PLA1A: variants seen among roughly 807,000 people sequenced by gnomAD.
PLA1A encodes the protein phospholipase A1 member A.
In PLA1A, 47 loss-of-function variants were observed where a neutral mutation model predicts 49.4. The ratio of observed to expected loss-of-function variants is 0.95; its 90% CI spans 0.75 to 1.21. The LOEUF (loss-of-function observed/expected upper bound fraction) is 1.21. Ranked by LOEUF, PLA1A falls within the 50% of genes most tolerant of loss-of-function variation. PLA1A has a pLI of 0.00. For missense variants in PLA1A, 561 were observed against 563.9 expected, an observed-to-expected ratio of 0.99 and a Z score of 0.05; for synonymous variants, 224 against 207.9, an observed-to-expected ratio of 1.08 and a Z score of -0.67.
chr3:119,620,320 C>T (rs779204451), intron 8 of PLA1A: 8 of 325,258 alleles, frequency 2.5e-5, no homozygotes, highest in South Asian at 7.4e-5. Context: ...TAAAGTATGC[C>T]GGCTTGGATG....
chr3:119,610,186 T>C (rs115529332), intron 4 of PLA1A, among the ~76,000 whole-genome samples: 2,634 of 152,338 alleles, frequency 0.017, 74 homozygotes, highest in African/African-American at 0.058. Flanking sequence ...TAGAATTCCA[T>C]AGGGTATATG....
intron 2 of PLA1A, 96 bp from the exon 3 acceptor site, chr3:119,608,674 A>C: frequency 1.0e-6 from 1 of 958,924 alleles, no homozygotes; most frequent in Non-Finnish European, 1.6e-6. Flanking sequence ...TCTAGTTTTG[A>C]TTTCTTTTCT....
chr3:119,622,438 G>A (rs1295356630), intron 8 of PLA1A, among the ~76,000 whole-genome samples: 1 of 152,164 alleles, frequency 6.6e-6, no homozygotes, highest in Non-Finnish European at 1.5e-5. Context: ...GACAGACAGG[G>A]TGTGGTATAA....
chr3:119,628,953 A>G (rs1442977983), intron 10 of PLA1A, 88 bp downstream of exon 10: 4 of 1,028,750 alleles, frequency 3.9e-6, no homozygotes, highest in African/African-American at 1.6e-5. Flanking sequence ...TTGAGGTTCA[A>G]TCTCATCATA....
chr3:119,597,935 A>C lies in PLA1A; in HGVS notation c.22A>C (p.Ser8Arg), dbSNP rs2082563051. The change falls in exon 1 of 11, where the codon AGC (serine) becomes CGC (arginine). Residue 8 changes from serine to arginine, a missense_variant. Coordinates refer to ENST00000273371, the MANE Select transcript of PLA1A (RefSeq NM_015900.4). Reference protein sequence around the residue: MPPGPWESCFWVGGLILW... With the variant: MPPGPWERCFWVGGLILW... ...AGCGATGCCCCCAGGTCCCTGGGAGAGCTGCTTCTGGGTGGGGGGCCTCAT... is the reference window on the plus strand; with the variant it reads ...AGCGATGCCCCCAGGTCCCTGGGAGCGCTGCTTCTGGGTGGGGGGCCTCAT... 6.2e-7 allele frequency: 1 copy of C among 1,610,170 alleles called. No individual in the cohort carries two copies. The highest frequency in any genetic ancestry group is 2.2e-5 in the East Asian group (1 of 44,824).
intron 1 of PLA1A, among the ~76,000 whole-genome samples, chr3:119,606,329 C>T (rs1577138453): frequency 6.6e-6 from 1 of 152,180 alleles, no homozygotes; most frequent in Non-Finnish European, 1.5e-5. Flanking sequence ...TGTCTGTGTC[C>T]AAATTTCCTC....
rs2052500503 is a variant in PLA1A at position 119,625,208 on chromosome 3, T to G, written c.1097T>G (p.Ile366Ser). Reference sequence around the variant, plus strand: ...GAGGTTACCTTCCTTAGCAGTAACATCACCTCTTCATCTAAGATCACCATG... The same window carrying G: ...GAGGTTACCTTCCTTAGCAGTAACAGCACCTCTTCATCTAAGATCACCATG... ...NIEVTFLSSNITSSSKITIPK... is the reference protein window; with the variant it reads ...NIEVTFLSSNSTSSSKITIPK... Residue 366 changes from isoleucine to serine, a missense_variant, in exon 9 of 11, where the codon ATC becomes AGC. Ile to Ser is a moderately radical substitution (Grantham distance 142). Transcript: ENST00000273371. The G allele has an allele frequency of 6.2e-7, 1 of 1,610,514 alleles. No individual in the cohort carries two copies. Among genetic ancestry groups the G allele is most frequent in the Non-Finnish European group, 8.5e-7 (1 of 1,176,864 alleles).
intron 8 of PLA1A, among the ~76,000 whole-genome samples, chr3:119,621,538 T>C (rs1361466709): frequency 6.6e-6 from 1 of 152,254 alleles, no homozygotes; most frequent in Non-Finnish European, 1.5e-5. Flanking sequence ...ACTTCAGCAA[T>C]GTTGACCTGT....
At chr3:119,612,571 C>T (rs1215471111) in intron 4 of PLA1A, among the ~76,000 whole-genome samples, 3 of 152,084 alleles carry the variant, frequency 2.0e-5, no homozygotes, top group Non-Finnish European at 4.4e-5. Context: ...TTACTGCAAC[C>T]TCTGTCTCCC....
chr3:119,618,601 G>A (rs372872869), intron 7 of PLA1A, among the ~76,000 whole-genome samples: 14 of 152,210 alleles, frequency 9.2e-5, no homozygotes, highest in African/African-American at 3.4e-4. Context: ...CGGATATTCT[G>A]GTGGCCTCGT....
chr3:119,618,009 C>T lies in PLA1A; in HGVS notation c.755-10C>T, dbSNP rs768705242. On this transcript the variant is annotated splice_polypyrimidine_tract_variant and intron_variant, in intron 6 of 10. Coordinates refer to ENST00000273371, the MANE Select transcript of PLA1A (RefSeq NM_015900.4). The stretch of plus-strand genomic sequence containing the variant: ...GACTGAAACCTTGGTTGTGTTTTTT[C>T]TCTGTTCAGGTTATAGTTATCTGAT... 1.9e-6 allele frequency: 3 copies of T among 1,582,658 alleles called. No homozygotes were observed. Among genetic ancestry groups the T allele is most frequent in the Admixed American group, 1.8e-5 (1 of 54,064 alleles).
intron 2 of PLA1A, 45 bp from the exon 3 acceptor site, chr3:119,608,725 C>T (rs779821204): frequency 1.4e-6 from 2 of 1,431,418 alleles, no homozygotes; most frequent in South Asian, 2.3e-5. Flanking sequence ...AATGAATATC[C>T]ACTTGGCAGG....
At chr3:119,613,825 A>G (rs543736732) in intron 5 of PLA1A, among the ~76,000 whole-genome samples, 5 of 152,078 alleles carry the variant, frequency 3.3e-5, no homozygotes, top group Non-Finnish European at 7.4e-5. Context: ...CCCGGGAGGC[A>G]GAGTTTGCAG....
chr3:119,610,794 G>A (rs1224001899), intron 4 of PLA1A, among the ~76,000 whole-genome samples: 1 of 152,154 alleles, frequency 6.6e-6, no homozygotes, highest in Non-Finnish European at 1.5e-5. Flanking sequence ...TTCTTTTGCT[G>A]TACAGAAGGT....
At position 119,608,812 on chromosome 3, in the gene PLA1A, A is replaced by G. The variant is rs1333555190; in HGVS notation, c.318A>G (p.Arg106=). 1 of 1,614,008 alleles carries G rather than the reference A, an allele frequency of 6.2e-7. No individual in the cohort carries two copies. The highest frequency in any genetic ancestry group is 1.7e-5 in the Admixed American group (1 of 60,026). The change falls in exon 3 of 11, where the codon AGA becomes AGG. Residue 106 remains arginine (R), a synonymous_variant. Transcript: ENST00000273371. ...TKPSWIDTFI[R]TLLRATNANV... ...CTTCCTGGATTGACACATTTATTAG[A>G]ACCCTTCTGCGTGCAACGAATGCTA...
intron 9 of PLA1A, 125 bp downstream of exon 9, chr3:119,625,357 C>T: frequency 3.1e-6 from 2 of 637,504 alleles, no homozygotes; most frequent in Non-Finnish European, 5.7e-6. Context: ...GCCGGCTTGG[C>T]TGGGGGCAGC....
In PLA1A at chr3:119,600,351, C is replaced by A. The variant is rs75158103; in HGVS notation, c.73+2365C>A. The stretch of plus-strand genomic sequence containing the variant: ...TCAACCTGGCCCTTGAGCTTCCAGG[C>A]TGGCTCAGGCGTCCTCTCCTCCAGG... On this transcript the variant is annotated intron_variant, in intron 1 of 10. Coordinates refer to ENST00000273371, the MANE Select transcript of PLA1A (RefSeq NM_015900.4). 5,345 of 702,672 alleles carry A rather than the reference C, an allele frequency of 7.6e-3. 190 individuals are homozygous for A. In the African/African-American group the frequency reaches 0.08, roughly 10 times the overall value. The allele number at this position is 702,672 out of a possible 1,614,324, so 43.5% of individuals were successfully genotyped here.
chr3:119,626,120 C>G (rs2107801716), intron 9 of PLA1A, among the ~76,000 whole-genome samples: 1 of 152,276 alleles, frequency 6.6e-6, no homozygotes, highest in African/African-American at 2.4e-5. Context: ...GGAGCCAATA[C>G]AACCCTAGGC....
At chr3:119,601,210 G>C (rs1055487098) in intron 1 of PLA1A, among the ~76,000 whole-genome samples, 10 of 152,216 alleles carry the variant, frequency 6.6e-5, no homozygotes, top group Non-Finnish European at 1.2e-4. Context: ...CGAAACAAAA[G>C]CCCATGGGGG....
Sources: allele counts gnomAD v4.1 joint callset (sites outside exome capture counted in the v4.1 genomes callset), GRCh38; gene constraint gnomAD v4.1.1; transcripts MANE v1.5; gene names NCBI Gene and HGNC (gene_info 2026-07-23, HGNC 2026-07-21).